Variants in CCDC201 observed in about 807,000 individuals in gnomAD.
The protein encoded by CCDC201 is coiled-coil domain containing 201.
chr7:45,864,121 G>C (rs1158771107), intron 2 of CCDC201, among the ~76,000 whole-genome samples: 1 of 152,196 alleles, frequency 6.6e-6, no homozygotes, highest in Admixed American at 6.5e-5. Flanking sequence ...GTGACCTCTA[G>C]GGAGGCTGCT....
intron 1 of CCDC201, among the ~76,000 whole-genome samples, chr7:45,867,150 CTGCAG>C (rs1786687152): frequency 6.6e-6 from 1 of 152,340 alleles, no homozygotes; most frequent in African/African-American, 2.4e-5. Flanking sequence ...GTATGTGCCT[CTGCAG>C]TGCCCCTTGA....
the CCDC201 span, among the ~76,000 whole-genome samples, chr7:45,882,500 A>G: frequency 6.6e-6 from 1 of 152,218 alleles, no homozygotes; most frequent in Non-Finnish European, 1.5e-5. Context: ...GATACTTCCC[A>G]GCTTTCATGA....
At chr7:45,876,656 G>T (rs1368950686), upstream of CCDC201, among the ~76,000 whole-genome samples, 1 of 152,184 alleles carries the variant, frequency 6.6e-6, no homozygotes, top group East Asian at 1.9e-4. Flanking sequence ...AGGATATTTT[G>T]TTTGTGTCTG....
At chr7:45,875,812 G>C (rs574938734), upstream of CCDC201, among the ~76,000 whole-genome samples, 4 of 152,280 alleles carry the variant, frequency 2.6e-5, no homozygotes, top group Admixed American at 6.5e-5. Flanking sequence ...GGACAGAGTG[G>C]TTTGTTCTTA....
chr7:45,863,075 C>T (rs1786622705), exon 3 of CCDC201: 1 of 152,234 alleles, frequency 6.6e-6, no homozygotes, highest in South Asian at 2.1e-4. Context: ...CCTGTCCTGG[C>T]ACCAAGCACT....
At chr7:45,874,678 G>A (rs572281990), upstream of CCDC201, among the ~76,000 whole-genome samples, 3 of 152,350 alleles carry the variant, frequency 2.0e-5, no homozygotes, top group African/African-American at 7.2e-5. Context: ...GCTTCAGAGA[G>A]CACTAGAAAG....
chr7:45,881,426 C>G, the CCDC201 span, among the ~76,000 whole-genome samples: 21 of 152,216 alleles, frequency 1.4e-4, no homozygotes, highest in African/African-American at 5.1e-4. Flanking sequence ...CTTGAGCATG[C>G]AACAGATTCT....
At chr7:45,881,520 C>A in the CCDC201 span, among the ~76,000 whole-genome samples, 1 of 152,144 alleles carries the variant, frequency 6.6e-6, no homozygotes, top group African/African-American at 2.4e-5. Flanking sequence ...TGGGGATGGG[C>A]CTTTCTACTC....
At chr7:45,869,966 G>A (rs1328803687) in intron 1 of CCDC201, among the ~76,000 whole-genome samples, 2 of 152,024 alleles carry the variant, frequency 1.3e-5, no homozygotes, top group Non-Finnish European at 1.5e-5. Context: ...ACAAGCATGT[G>A]CCACCATGTC....
At chr7:45,874,720 G>A (rs1454984456), upstream of CCDC201, among the ~76,000 whole-genome samples, 2 of 152,238 alleles carry the variant, frequency 1.3e-5, no homozygotes, top group Non-Finnish European at 2.9e-5. Context: ...AACTTGCCCT[G>A]GTTGGCGCAG....
chr7:45,884,924 C>A, the CCDC201 span, among the ~76,000 whole-genome samples: 1 of 152,120 alleles, frequency 6.6e-6, no homozygotes, highest in East Asian at 1.9e-4. Flanking sequence ...TGGAAGGGTA[C>A]CTCCCTTCCA....
chr7:45,865,838 C>T (rs960496377), intron 2 of CCDC201, among the ~76,000 whole-genome samples, 198 bp downstream of exon 2: 1 of 152,162 alleles, frequency 6.6e-6, no homozygotes, highest in Non-Finnish European at 1.5e-5. Flanking sequence ...GGCTGGACAG[C>T]CTTGATCCTG....
At chr7:45,868,537 A>C (rs1460580040) in intron 1 of CCDC201, among the ~76,000 whole-genome samples, 3 of 152,106 alleles carry the variant, frequency 2.0e-5, no homozygotes, top group Non-Finnish European at 4.4e-5. Flanking sequence ...TTTAAGGAGA[A>C]GCCACAGTCC....
At chr7:45,872,818 A>G (rs928929243) in intron 1 of CCDC201, among the ~76,000 whole-genome samples, 172 bp downstream of exon 1, 15 of 152,270 alleles carry the variant, frequency 9.9e-5, no homozygotes, top group African/African-American at 3.6e-4. Context: ...CCCACAGGCC[A>G]CCAGGACCAG....
At chr7:45,864,195 C>CA (rs1225224580) in intron 2 of CCDC201, among the ~76,000 whole-genome samples, 1 of 152,148 alleles carries the variant, frequency 6.6e-6, no homozygotes, top group Non-Finnish European at 1.5e-5. Context: ...CCCAGAAACT[C>CA]AGTTTGTCAC....
chr7:45,866,981 C>T (rs1446757491), intron 1 of CCDC201, among the ~76,000 whole-genome samples: 2 of 152,182 alleles, frequency 1.3e-5, no homozygotes, highest in Non-Finnish European at 1.5e-5. Flanking sequence ...CTGGAGGTAA[C>T]ATCCCAACCC....
exon 3 of CCDC201, chr7:45,862,103 G>A (rs1372041091): frequency 6.6e-6 from 1 of 152,288 alleles, no homozygotes; most frequent in African/African-American, 2.4e-5. Flanking sequence ...AGGGAGCACA[G>A]CGTTGGAGAG....
chr7:45,882,397 A>T, the CCDC201 span, among the ~76,000 whole-genome samples: 1 of 152,212 alleles, frequency 6.6e-6, no homozygotes, highest in Non-Finnish European at 1.5e-5. Context: ...TACAGGTGAA[A>T]AAACTGAGGC....
intron 1 of CCDC201, among the ~76,000 whole-genome samples, chr7:45,869,400 C>T (rs1326640101): frequency 6.6e-6 from 1 of 152,168 alleles, no homozygotes; most frequent in Non-Finnish European, 1.5e-5. Context: ...GAGGTGTGAA[C>T]TAGAGTTGGT....
Sources: gnomAD v4.1 joint callset for allele counts (sites outside exome capture counted in the v4.1 genomes callset) on GRCh38, gnomAD v4.1.1 for gene constraint, MANE v1.5 for transcripts, NCBI Gene and HGNC (gene_info 2026-07-23, HGNC 2026-07-21) for gene names.